FAAP20: variants seen among roughly 807,000 people sequenced by gnomAD.
FAAP20 encodes the protein FA core complex associated protein 20, also known as Fanconi anemia core complex-associated protein 20.
FAAP20 carries 12 observed loss-of-function variants against 16.2 expected under a neutral mutation model. That is an observed-to-expected ratio of 0.74 (90% confidence interval 0.48 to 1.20). The LOEUF is 1.20. Among genes scored for constraint, FAAP20 ranks in the 50% most tolerant of loss-of-function variants. The probability of loss-of-function intolerance (pLI) is 0.00; values close to 1 mark genes in which losing one functional copy is unlikely to be tolerated. For synonymous variants in FAAP20, 141 were observed against 110.7 expected (o/e 1.27, Z -1.72); for missense variants, 288 against 245.8 (o/e 1.17, Z -1.15).
intron 3 of FAAP20, 171 bp downstream of exon 3, chr1:2,193,468 G>A (rs1688481755): frequency 2.8e-6 from 3 of 1,079,428 alleles, no homozygotes; most frequent in East Asian, 2.7e-5. Context: ...CCCCAGACCC[G>A]TGACAGAGAG....
intron 3 of FAAP20, chr1:2,192,430 G>A: frequency 1.0e-6 from 1 of 998,144 alleles, no homozygotes; most frequent in Non-Finnish European, 1.2e-6. Flanking sequence ...TGCTTAAAAA[G>A]CTCAAAATGG....
chr1:2,191,820 A>C (rs1688262530), intron 3 of FAAP20: 1 of 984,876 alleles, frequency 1.0e-6, no homozygotes, highest in Non-Finnish European at 1.2e-6. Context: ...GGCTCTCAAC[A>C]TCCTCACCCC....
chr1:2,198,627 A>G, upstream of FAAP20: 2 of 1,189,658 alleles, frequency 1.7e-6, no homozygotes, highest in Non-Finnish European at 2.1e-6. Context: ...GCACCCTCCC[A>G]ATTTCCAAAT....
chr1:2,191,726 G>A (rs1688248696), intron 3 of FAAP20: 1 of 604,026 alleles, frequency 1.7e-6, no homozygotes, highest in African/African-American at 2.0e-5. Context: ...GGGCGACAGA[G>A]CGAGACACCG....
downstream of FAAP20, among the ~76,000 whole-genome samples, chr1:2,211,399 TTATA>T (rs1158545722): frequency 0.034 from 707 of 20,994 alleles, 44 homozygotes; most frequent in Non-Finnish European, 0.039. Context: ...CTGGCTAATT[TTATA>T]TATATATATA....
At chr1:2,184,859 C>T (rs1425810593), downstream of FAAP20, 1 of 1,479,920 alleles carries the variant, frequency 6.8e-7, no homozygotes, top group Admixed American at 1.8e-5. Flanking sequence ...GAACGTGACT[C>T]CGCTTCCCCC....
chr1:2,199,648 G>C, upstream of FAAP20: 2 of 985,312 alleles, frequency 2.0e-6, no homozygotes, highest in Non-Finnish European at 2.4e-6. This position sits in a 1 kb window ranked among gnomAD's most constrained non-coding sequence, Gnocchi z 4.5. Context: ...CAGCGTCTCC[G>C]AAGACTCATG....
chr1:2,199,300 G>T (rs998534575), upstream of FAAP20: 25 of 1,062,132 alleles, frequency 2.4e-5, no homozygotes, highest in Non-Finnish European at 2.6e-5. The surrounding 1 kb of genome is among the most constrained non-coding windows in gnomAD (Gnocchi z 4.5). Context: ...CACGTGTCGG[G>T]CTCAGCTTCC....
chr1:2,202,627 T>C (rs1689094158), upstream of FAAP20, among the ~76,000 whole-genome samples: 1 of 151,688 alleles, frequency 6.6e-6, no homozygotes, highest in African/African-American at 2.4e-5. Context: ...CCACACCTGG[T>C]TAATTTTTTG....
Position 2,190,517 on chromosome 1 carries a change from A to AGCGG in FAAP20, c.471-740_471-737dup, listed in dbSNP as rs562684749. ...CATGTGGCCCCATCAGCCCAACTGG[A>AGCGG]GCGGCTGGAAATGACCATCACCAGG... On this transcript the variant is annotated intron_variant, in intron 3 of 3. Coordinates refer to ENST00000378546, the MANE Select transcript of FAAP20 (RefSeq NM_182533.4). The AGCGG allele has an allele frequency of 6.0e-4, 254 of 426,432 alleles. 1 individual carries two copies. Among genetic ancestry groups the AGCGG allele is most frequent in the African/African-American group, 4.9e-3 (244 of 49,328 alleles). 26.4% of individuals were successfully genotyped at this position (426,432 alleles called of 1,614,324 possible).
At chr1:2,211,773 C>T (rs1407313049), downstream of FAAP20, among the ~76,000 whole-genome samples, 8 of 146,410 alleles carry the variant, frequency 5.5e-5, no homozygotes, top group South Asian at 2.2e-4. Context: ...TTATTAGAGA[C>T]GGGGTTTCAT....
At chr1:2,185,915 C>G (rs947745309), downstream of FAAP20, 4 of 345,228 alleles carry the variant, frequency 1.2e-5, no homozygotes, top group Non-Finnish European at 2.3e-5. Flanking sequence ...AACGTGATGA[C>G]CCTACAAACA....
upstream of FAAP20, chr1:2,194,838 G>A (rs1688730171): frequency 1.0e-6 from 1 of 991,390 alleles, no homozygotes; most frequent in Non-Finnish European, 1.2e-6. Context: ...CCAGACCTCT[G>A]CAGCGAGGCC....
chr1:2,199,014 T>C, upstream of FAAP20: 1 of 1,257,054 alleles, frequency 8.0e-7, no homozygotes, highest in Non-Finnish European at 1.0e-6. This position sits in a 1 kb window ranked among gnomAD's most constrained non-coding sequence, Gnocchi z 4.5. Flanking sequence ...GGGTGTGCCT[T>C]GGTGCCCTTG....
chr1:2,190,544 C>T (rs911674103), intron 3 of FAAP20: 3 of 396,112 alleles, frequency 7.6e-6, no homozygotes, highest in Non-Finnish European at 1.5e-5. Flanking sequence ...ATCACCAGGC[C>T]TGGCCAAGGT....
chr1:2,205,371 G>T (rs1196231149), intron 3 of FAAP20, among the ~76,000 whole-genome samples: 4 of 143,658 alleles, frequency 2.8e-5, no homozygotes, highest in Non-Finnish European at 4.6e-5. Flanking sequence ...CTGTGTCCTC[G>T]GCGCCCAGCC....
chr1:2,193,570 C>T, intron 3 of FAAP20, 69 bp downstream of exon 3: 2 of 1,563,052 alleles, frequency 1.3e-6, no homozygotes, highest in Non-Finnish European at 1.7e-6. Flanking sequence ...CACCTCTTGA[C>T]CTTCTGAACG....
chr1:2,211,426 TATA>T, downstream of FAAP20, among the ~76,000 whole-genome samples: 1 of 32,854 alleles, frequency 3.0e-5, no homozygotes, highest in Non-Finnish European at 5.1e-5. Context: ...TATATATATA[TATA>T]TATATATTTT....
chr1:2,193,614 C>T (rs1404231407), intron 3 of FAAP20, 25 bp downstream of exon 3: 1 of 1,582,686 alleles, frequency 6.3e-7, no homozygotes, highest in Admixed American at 2.0e-5. Context: ...GATAACCGGG[C>T]CGGGCGCAGG....
Sources: allele counts gnomAD v4.1 joint callset (sites outside exome capture counted in the v4.1 genomes callset), GRCh38; gene constraint gnomAD v4.1.1; non-coding constraint Gnocchi (gnomAD v3.1); transcripts MANE v1.5; gene names NCBI Gene and HGNC (gene_info 2026-07-23, HGNC 2026-07-21).